UBE2G1: variants seen among roughly 807,000 people sequenced by gnomAD.
UBE2G1 encodes ubiquitin-conjugating enzyme E2 G1.
Under a neutral mutation model 22.7 loss-of-function variants are expected in UBE2G1, and 5 were observed. The observed-to-expected ratio is 0.22, with a 90% CI of 0.12 to 0.46. The LOEUF is 0.46. Ranked by LOEUF, UBE2G1 falls within the 20% of genes least tolerant of loss-of-function variation. The probability of loss-of-function intolerance (pLI) is 0.99; values close to 1 mark genes in which losing one functional copy is unlikely to be tolerated. For synonymous variants in UBE2G1, 74 were observed against 67.5 expected, an observed-to-expected ratio of 1.10 and a Z score of -0.47; for missense variants, 88 against 203.9, an observed-to-expected ratio of 0.43 and a Z score of 3.46.
intron 1 of UBE2G1, among the ~76,000 whole-genome samples, chr17:4,336,237 A>AAC (rs1969644261): frequency 6.6e-6 from 1 of 152,212 alleles, no homozygotes; most frequent in South Asian, 2.1e-4. Flanking sequence ...CAAAATATAT[A>AAC]ACATTAATGT....
chr17:4,306,852 A>G (rs1969254160), intron 2 of UBE2G1, among the ~76,000 whole-genome samples, 169 bp downstream of exon 2: 1 of 152,096 alleles, frequency 6.6e-6, no homozygotes, highest in South Asian at 2.1e-4. Flanking sequence ...GGGTTTCACT[A>G]CATTGGCCAG....
At chr17:4,299,032 A>G (rs1969143038) in intron 2 of UBE2G1, among the ~76,000 whole-genome samples, 1 of 152,196 alleles carries the variant, frequency 6.6e-6, no homozygotes. Flanking sequence ...TACTGATTAC[A>G]TGGACTAGTT....
At chr17:4,334,126 G>A (rs1404281519) in intron 1 of UBE2G1, among the ~76,000 whole-genome samples, 1 of 151,234 alleles carries the variant, frequency 6.6e-6, no homozygotes, top group Non-Finnish European at 1.5e-5. Context: ...GCAATGGCAT[G>A]ATCATGGCTC....
chr17:4,307,508 A>G (rs1969261331), intron 1 of UBE2G1, among the ~76,000 whole-genome samples: 1 of 152,202 alleles, frequency 6.6e-6, no homozygotes, highest in Non-Finnish European at 1.5e-5. Context: ...TTCAGGGTAT[A>G]CTTTCAGAGT....
chr17:4,292,989 A>G (rs1567516508), intron 3 of UBE2G1, among the ~76,000 whole-genome samples: 1 of 152,212 alleles, frequency 6.6e-6, no homozygotes, highest in Non-Finnish European at 1.5e-5. Flanking sequence ...TAACTCACCT[A>G]CTATACAATT....
intron 1 of UBE2G1, among the ~76,000 whole-genome samples, chr17:4,323,931 C>T (rs1969473187): frequency 1.3e-5 from 2 of 151,966 alleles, no homozygotes; most frequent in Non-Finnish European, 2.9e-5. Context: ...CATTTGCAAC[C>T]CTTAATGTAA....
At chr17:4,290,110 T>TA (rs570373156) in intron 3 of UBE2G1, among the ~76,000 whole-genome samples, 3 of 152,082 alleles carry the variant, frequency 2.0e-5, no homozygotes, top group African/African-American at 7.2e-5. Flanking sequence ...ACTTATTCAT[T>TA]AAAAAAAGGT....
At chr17:4,295,568 G>A (rs1969100102) in intron 3 of UBE2G1, among the ~76,000 whole-genome samples, 1 of 152,108 alleles carries the variant, frequency 6.6e-6, no homozygotes, top group South Asian at 2.1e-4. Context: ...CCTGCACCCA[G>A]AAGTCTTGAT....
intron 1 of UBE2G1, among the ~76,000 whole-genome samples, chr17:4,364,799 C>G (rs1404090878): frequency 6.7e-6 from 1 of 148,586 alleles, no homozygotes; most frequent in Non-Finnish European, 1.5e-5. Context: ...CCAGGCTGGC[C>G]CTGAACTCCT....
chr17:4,298,643 A>AT (rs938079307), intron 2 of UBE2G1, among the ~76,000 whole-genome samples: 1 of 152,160 alleles, frequency 6.6e-6, no homozygotes, highest in Non-Finnish European at 1.5e-5. Flanking sequence ...TGATAATACA[A>AT]TTTTTTTAGT....
rs767394440 is a variant in UBE2G1, at chr17:4,296,811, T to A, written c.153A>T (p.Glu51Asp). ...LIIGPPDTLY[E>D]GGVFKAHLTF... ...TAAGATGAGCCTTAAAAACACCACC[T>A]TCACTGGAAAAAAGAACAAAAAGAA... Residue 51 changes from glutamate (E) to aspartate (D), a missense_variant, in exon 3 of 6, where the codon GAA becomes GAT. Glu to Asp is a conservative substitution (Grantham distance 45). Coordinates refer to ENST00000396981, the MANE Select transcript of UBE2G1 (RefSeq NM_003342.5). The A allele has an allele frequency of 1.9e-6, 3 of 1,613,082 alleles. No individual in the cohort carries two copies. The Admixed American group carries it at 5.0e-5, about 27-fold the overall frequency.
chr17:4,274,354 T>A (rs7216966), intron 5 of UBE2G1, among the ~76,000 whole-genome samples: 1 of 151,790 alleles, frequency 6.6e-6, no homozygotes, highest in South Asian at 2.1e-4. Flanking sequence ...CCTGCCACCA[T>A]GCCCGGCTAA....
intron 1 of UBE2G1, among the ~76,000 whole-genome samples, chr17:4,346,226 T>C (rs904989638): frequency 6.6e-6 from 1 of 152,076 alleles, no homozygotes; most frequent in Admixed American, 6.6e-5. Flanking sequence ...ACAATAACCA[T>C]GAATGCCTCA....
chr17:4,297,612 A>C (rs536279652), intron 2 of UBE2G1, among the ~76,000 whole-genome samples: 1 of 152,340 alleles, frequency 6.6e-6, no homozygotes, highest in South Asian at 2.1e-4. Flanking sequence ...TCAGCCTTAA[A>C]GGGCAAAAAT....
At chr17:4,294,440 AG>A (rs376371391) in intron 3 of UBE2G1, among the ~76,000 whole-genome samples, 1,095 of 68,900 alleles carry the variant, frequency 0.016, 43 homozygotes, top group African/African-American at 0.062. Context: ...AAAAAAAAAA[AG>A]AAAGAAACGA....
chr17:4,337,575 C>A (rs186060986), intron 1 of UBE2G1, among the ~76,000 whole-genome samples: 1 of 150,898 alleles, frequency 6.6e-6, no homozygotes, highest in Non-Finnish European at 1.5e-5. Context: ...ATCACTTGAA[C>A]CCGGGAGGTG....
At chr17:4,335,680 A>C (rs929015847) in intron 1 of UBE2G1, among the ~76,000 whole-genome samples, 2 of 152,242 alleles carry the variant, frequency 1.3e-5, no homozygotes, top group Non-Finnish European at 2.9e-5. Flanking sequence ...TGCATATTTC[A>C]ATCAATGGTA....
At chr17:4,291,089 G>C (rs1969032259) in intron 3 of UBE2G1, among the ~76,000 whole-genome samples, 1 of 152,164 alleles carries the variant, frequency 6.6e-6, no homozygotes, top group Non-Finnish European at 1.5e-5. Context: ...GGCCGGGCGT[G>C]GTGGCTCACG....
In UBE2G1 at chr17:4,366,322, C is replaced by A; in HGVS notation, c.-6G>T. 6.5e-7 allele frequency: 1 copy of A among 1,543,546 alleles called. No individual in the cohort carries two copies. Among genetic ancestry groups the A allele is most frequent in the Non-Finnish European group, 8.7e-7 (1 of 1,154,236 alleles). On this transcript the variant is annotated 5_prime_UTR_variant, in exon 1 of 6. It adds an upstream start codon to the 5' untranslated region. Transcript: ENST00000396981. ...GCCGACTGCAGCTCCGTCATCCTCC[C>A]TGCCGAGGGCCCGGGCTGGCGCCGG...
Sources: gnomAD v4.1 joint callset for allele counts (sites outside exome capture counted in the v4.1 genomes callset) on GRCh38, gnomAD v4.1.1 for gene constraint, MANE v1.5 for transcripts, NCBI Gene and HGNC (gene_info 2026-07-23, HGNC 2026-07-21) for gene names.